The following HMCN2 variants were observed in gnomAD, a reference collection of about 807,000 sequenced individuals.
HMCN2 encodes hemicentin-2.
HMCN2 carries 325 observed loss-of-function variants against 377.5 expected under a neutral mutation model. The ratio of observed to expected loss-of-function variants is 0.86; its 90% confidence interval spans 0.79 to 0.94. The LOEUF (loss-of-function observed/expected upper bound fraction) is 0.94, where lower values mean the gene tolerates loss of function less well. Ranked by LOEUF, HMCN2 falls within the 40% of genes least tolerant of loss-of-function variation. The pLI is 0.00. For synonymous variants in HMCN2, 2,007 were observed against 2,046.8 expected, an observed-to-expected ratio of 0.98 and a Z score of 0.53; for missense variants, 4,543 against 4,725.3, an observed-to-expected ratio of 0.96 and a Z score of 1.13.
intron 43 of HMCN2, among the ~76,000 whole-genome samples, chr9:130,367,324 C>T (rs889259609): frequency 6.6e-6 from 1 of 152,044 alleles, no homozygotes; most frequent in Non-Finnish European, 1.5e-5. Context: ...TAGGAAGCAG[C>T]CTGGGAGTAG....
At position 130,337,287 on chromosome 9, in the gene HMCN2, G is replaced by T. The variant is rs954025199; in HGVS notation, c.3360-607G>T. Among the ~76,000 whole-genome samples, 5 of 152,114 alleles carry T rather than the reference G, an allele frequency of 3.3e-5. No individual in the cohort carries two copies. In the South Asian group the frequency reaches 1.0e-3, roughly 32 times the overall value. On this transcript the variant is annotated intron_variant, in intron 22 of 97. Coordinates refer to ENST00000683500, the MANE Select transcript of HMCN2 (RefSeq NM_001291815.2). Reference sequence around the variant, plus strand: ...GACAACGATGGCAGCAGGGGTGGGGGCTCCACAGCTTCCTCCTGAGGACCC... The same window carrying T: ...GACAACGATGGCAGCAGGGGTGGGGTCTCCACAGCTTCCTCCTGAGGACCC...
chr9:130,312,205 A>G (rs1421238074), intron 15 of HMCN2, among the ~76,000 whole-genome samples: 1 of 152,122 alleles, frequency 6.6e-6, no homozygotes, highest in Non-Finnish European at 1.5e-5. Context: ...CCTGGCCTTG[A>G]GTCTGATGCT....
Position 130,375,670 on chromosome 9 carries a change from C to A in HMCN2, c.7738C>A (p.Pro2580Thr). The A allele has an allele frequency of 3.0e-6, 3 of 985,938 alleles. No homozygotes were observed. Among genetic ancestry groups the A allele is most frequent in the Non-Finnish European group, 3.6e-6 (3 of 829,996 alleles). The allele number at this position is 985,938 out of a possible 1,614,324, so 61.1% of individuals were successfully genotyped here. Residue 2580 changes from proline (P) to threonine (T), a missense_variant, in exon 50 of 98, where the codon CCC becomes ACC. Pro to Thr is a conservative substitution (Grantham distance 38). This residue lies in a region of HMCN2 where 736 missense variants were observed against 773.2 expected (regional missense o/e 0.95). Transcript: ENST00000683500. ...CTGCGAGGCCCTGGCCTTCCCTTCCCCCAACATCACCTGGATGAAGGACGG... is the reference window on the plus strand; with the variant it reads ...CTGCGAGGCCCTGGCCTTCCCTTCCACCAACATCACCTGGATGAAGGACGG... The part of the protein sequence containing the change: ...LICEALAFPS[P>T]NITWMKDGAP...
chr9:130,294,591 G>A (rs1231644171), intron 4 of HMCN2, among the ~76,000 whole-genome samples: 2 of 152,200 alleles, frequency 1.3e-5, no homozygotes, highest in Non-Finnish European at 2.9e-5. Flanking sequence ...AGGTGGAGAA[G>A]TGTGGAAGAG....
At position 130,391,954 on chromosome 9, in the gene HMCN2, G is replaced by A. The variant is rs1842340469; in HGVS notation, c.9972G>A (p.Gln3324=). The A allele has an allele frequency of 1.0e-6, 1 of 988,080 alleles. No homozygotes were observed. Among genetic ancestry groups the A allele is most frequent in the South Asian group, 4.7e-5 (1 of 21,382 alleles). 61.2% of individuals were successfully genotyped at this position (988,080 alleles called of 1,614,324 possible). The part of the protein sequence containing the change: ...VNVLVPPTIK[Q]GADGSGTLVS... ...CCTCAGTTCCTCCCACCATCAAGCAGGGAGCAGACGGCTCGGGGACCCTGG... is the reference window on the plus strand; with the variant it reads ...CCTCAGTTCCTCCCACCATCAAGCAAGGAGCAGACGGCTCGGGGACCCTGG... Residue 3324 remains glutamine (Q), a synonymous_variant, in exon 66 of 98, where the codon CAG becomes CAA. Coordinates refer to ENST00000683500, the MANE Select transcript of HMCN2 (RefSeq NM_001291815.2).
At chr9:130,348,058 T>C in intron 26 of HMCN2, 1 of 984,750 alleles carries the variant, frequency 1.0e-6, no homozygotes, top group African/African-American at 1.8e-5. Flanking sequence ...GGCTGGGGAG[T>C]GGTCTCTGTC....
At chr9:130,272,629 C>T (rs1249212183) in intron 1 of HMCN2, among the ~76,000 whole-genome samples, 1 of 152,156 alleles carries the variant, frequency 6.6e-6, no homozygotes, top group Non-Finnish European at 1.5e-5. Flanking sequence ...CTCACTGCTT[C>T]CTCCATCTCC....
chr9:130,383,928 C>A (rs936516926), intron 57 of HMCN2, among the ~76,000 whole-genome samples: 2 of 152,236 alleles, frequency 1.3e-5, no homozygotes, highest in East Asian at 1.9e-4. Context: ...AGCTTTGCAG[C>A]TGTGGGAGGA....
At chr9:130,379,216 G>A in intron 53 of HMCN2, 33 bp from the exon 54 acceptor site, 1 of 880,598 alleles carries the variant, frequency 1.1e-6, no homozygotes, top group Non-Finnish European at 1.4e-6. Flanking sequence ...CCCCTCTGCT[G>A]TGCTTCCTAA....
In HMCN2 at chr9:130,308,619, G is replaced by GT. The variant is rs1186950416; in HGVS notation, c.2200+1061dup. ...AGGTGATATTAGCTCAGAGTTGAGC[G>GT]TTTTTTTTAGGGTCACCAGCAAGTG... On this transcript the variant is annotated intron_variant, in intron 14 of 97. Transcript: ENST00000683500. This position sits in a 1 kb window ranked among gnomAD's most constrained non-coding sequence, Gnocchi z 4.1. 1.3e-5 allele frequency among the ~76,000 whole-genome samples: 2 copies of GT among 151,886 alleles called. No individual in the cohort carries two copies. Among genetic ancestry groups the GT allele is most frequent in the African/African-American group, 4.8e-5 (2 of 41,320 alleles).
At chr9:130,270,612 A>C (rs1193682449) in intron 1 of HMCN2, among the ~76,000 whole-genome samples, 1 of 148,964 alleles carries the variant, frequency 6.7e-6, no homozygotes, top group African/African-American at 2.4e-5. Flanking sequence ...AAATCTCAAT[A>C]AAGTGTGGAC....
At chr9:130,380,615 C>T (rs1225358716) in intron 54 of HMCN2, among the ~76,000 whole-genome samples, 12 of 151,822 alleles carry the variant, frequency 7.9e-5, no homozygotes, top group African/African-American at 2.4e-4. Context: ...CGTGAGACCC[C>T]GTCTGTACAA....
In HMCN2 at chr9:130,364,751, C is replaced by T. The variant is rs893337121; in HGVS notation, c.6270C>T (p.Ser2090=). 9 of 985,848 alleles carry T rather than the reference C, an allele frequency of 9.1e-6. No individual in the cohort carries two copies. The highest frequency in any genetic ancestry group is 1.1e-4 in the East Asian group (1 of 8,822). 61.1% of individuals were successfully genotyped at this position (985,848 alleles called of 1,614,324 possible). The change falls in exon 41 of 98, where the codon TCC becomes TCT. Residue 2090 remains serine, a synonymous_variant. Coordinates refer to ENST00000683500, the MANE Select transcript of HMCN2 (RefSeq NM_001291815.2). ...TCCTTGGAGAAGAGCTGAATGTGTC[C>T]GTTGTGGCCAATGAGTCAGTGGCCC... is the stretch of plus-strand genomic sequence containing the variant. ...PSILGEELNV[S]VVANESVALE... is the part of the protein sequence containing the mutation.
In HMCN2 at chr9:130,414,187, G is replaced by A. The variant is rs1405084127; in HGVS notation, c.12961+3535G>A. 1.3e-5 allele frequency among the ~76,000 whole-genome samples: 2 copies of A among 152,146 alleles called. No individual in the cohort carries two copies. ...AGGATGCTGTCAGGTGACACCTAAT[G>A]AGGAGACAGAATTGTCACCACTGTC... On this transcript the variant is annotated intron_variant, in intron 85 of 97. Transcript: ENST00000683500. The surrounding 1 kb of genome is among the most constrained non-coding windows in gnomAD (Gnocchi z 4.4).
intron 22 of HMCN2, among the ~76,000 whole-genome samples, chr9:130,336,525 G>T (rs961775368): frequency 2.6e-5 from 4 of 152,164 alleles, no homozygotes; most frequent in Non-Finnish European, 1.5e-5. Flanking sequence ...CAGGAAGGGT[G>T]AGGTGACTTG....
In HMCN2 at chr9:130,431,351, C is replaced by T. The variant is rs147687230; in HGVS notation, c.14648-16C>T. The T allele has an allele frequency of 1.7e-3, 2,625 of 1,548,314 alleles. 40 individuals carry two copies. In the African/African-American group the frequency reaches 0.029, roughly 17 times the overall value. On this transcript the variant is annotated splice_polypyrimidine_tract_variant and intron_variant, in intron 95 of 97. Coordinates refer to ENST00000683500, the MANE Select transcript of HMCN2 (RefSeq NM_001291815.2). ...GCCCCCATCCCCCACCTGCCCCACC[C>T]CCATGCCCGGGCCAGACCTTGACGA...
chr9:130,393,595 A>C lies in HMCN2; in HGVS notation c.10235-147A>C. On this transcript the variant is annotated intron_variant, in intron 67 of 97. Transcript: ENST00000683500. The surrounding 1 kb of genome is among the most constrained non-coding windows in gnomAD (Gnocchi z 5.2). ...GAACTAGTGACACCAGGGGATGGAG[A>C]GGATGCTGTGGGAGCACAGAGGAGG... The C allele has an allele frequency of 3.2e-6, 2 of 626,886 alleles. No homozygotes were observed. Among genetic ancestry groups the C allele is most frequent in the Non-Finnish European group, 4.5e-6 (2 of 443,908 alleles). The allele number at this position is 626,886 out of a possible 1,614,324, so 38.8% of individuals were successfully genotyped here.
At chr9:130,421,714 A>G (rs944614035) in intron 86 of HMCN2, among the ~76,000 whole-genome samples, 1 of 152,226 alleles carries the variant, frequency 6.6e-6, no homozygotes, top group Non-Finnish European at 1.5e-5. Context: ...CTGATGAGAA[A>G]CATCCCAGAT....
At chr9:130,429,388 C>T in intron 93 of HMCN2, 169 bp from the exon 94 acceptor site, 1 of 775,128 alleles carries the variant, frequency 1.3e-6, no homozygotes, top group Non-Finnish European at 2.1e-6. Flanking sequence ...TGACCTCCAA[C>T]CTGGTATAAC....
Sources: allele counts gnomAD v4.1 joint callset (sites outside exome capture counted in the v4.1 genomes callset), GRCh38; gene constraint gnomAD v4.1.1; regional missense constraint gnomAD v4.1.1; non-coding constraint Gnocchi (gnomAD v3.1); transcripts MANE v1.5; gene names NCBI Gene and HGNC (gene_info 2026-07-23, HGNC 2026-07-21).